Variants in PXDN observed in about 807,000 individuals in gnomAD.
The protein encoded by PXDN is peroxidasin.
PXDN carries 77 observed loss-of-function variants against 140.3 expected under a neutral mutation model. That is an observed-to-expected ratio of 0.55 (90% CI 0.46 to 0.66). The LOEUF (loss-of-function observed/expected upper bound fraction) is 0.66. PXDN is among the 30% of genes least tolerant of loss of function. PXDN has a pLI of 0.00. For missense variants in PXDN, 1,838 were observed against 2,039.5 expected (o/e 0.90, Z 1.90); for synonymous variants, 911 against 857.4 (o/e 1.06, Z -1.09).
intron 6 of PXDN, among the ~76,000 whole-genome samples, chr2:1,681,661 C>G (rs1224199946): frequency 6.6e-6 from 1 of 152,246 alleles, no homozygotes; most frequent in African/African-American, 2.4e-5. Flanking sequence ...CAGAATCACC[C>G]TTTCCCCCGT....
Position 1,691,993 on chromosome 2 carries a change from G to T in PXDN, c.279C>A (p.Leu93=). The T allele has an allele frequency of 6.6e-7, 1 of 1,521,130 alleles. No individual in the cohort carries two copies. Among genetic ancestry groups the T allele is most frequent in the South Asian group, 1.3e-5 (1 of 78,512 alleles). The allele number at this position is 1,521,130 out of a possible 1,614,324, so 94.2% of individuals were successfully genotyped here. A position where few individuals can be genotyped will look rare whatever the true frequency, so the allele number is the denominator to read the frequency against. ...GTATCCTCTTGATCTGATTATTATT[G>T]AGAAGCCTATGAAAGAGAGTCGATA... ...RRLRNLNTLL[L]NNNQIKRIPS... The change falls in exon 3 of 23, where the codon CTC becomes CTA. Residue 93 remains leucine, a synonymous_variant. Transcript: ENST00000252804.
At position 1,660,964 on chromosome 2, in the gene PXDN, C is replaced by A; in HGVS notation, c.1754G>T (p.Gly585Val). ...PEGFLTINDV[G>V]PADAGRYECV... ...CTCATAGCGACCTGCGTCTGCAGGGCCAACGTCATTGATGGTCAAGAATCC... is the reference window on the plus strand; with the variant it reads ...CTCATAGCGACCTGCGTCTGCAGGGACAACGTCATTGATGGTCAAGAATCC... Residue 585 changes from glycine to valine, a missense_variant, in exon 14 of 23, where the codon GGC becomes GTC. Gly to Val is a moderately radical substitution (Grantham distance 109). Around this residue, in one of 5 missense-constraint regions of PXDN, gnomAD observed 537 missense variants for 583.9 expected, o/e 0.92. Coordinates refer to ENST00000252804, the MANE Select transcript of PXDN (RefSeq NM_012293.3). The surrounding 1 kb of genome is among the most constrained non-coding windows in gnomAD (Gnocchi z 4.6). 1 of 1,614,012 alleles carries A rather than the reference C, an allele frequency of 6.2e-7. No homozygotes were observed. Among genetic ancestry groups the A allele is most frequent in the East Asian group, 2.2e-5 (1 of 44,880 alleles).
chr2:1,658,525 C>G (rs1394715061), intron 14 of PXDN, among the ~76,000 whole-genome samples: 1 of 152,014 alleles, frequency 6.6e-6, no homozygotes, highest in Non-Finnish European at 1.5e-5. Flanking sequence ...GGCCCGGGTG[C>G]AGGCACTCCT....
intron 7 of PXDN, among the ~76,000 whole-genome samples, chr2:1,677,980 A>G (rs1424703087): frequency 6.6e-6 from 1 of 152,146 alleles, no homozygotes; most frequent in Non-Finnish European, 1.5e-5. Context: ...TCTGCCCGGC[A>G]ACCAAAACCA....
At chr2:1,710,530 T>TCC in intron 1 of PXDN, among the ~76,000 whole-genome samples, 1 of 122,452 alleles carries the variant, frequency 8.2e-6, no homozygotes, top group African/African-American at 3.2e-5. Context: ...GGACCCACTC[T>TCC]ACGAACACCC....
chr2:1,644,130 C>A (rs2125407382), intron 18 of PXDN, among the ~76,000 whole-genome samples: 1 of 100,984 alleles, frequency 9.9e-6, no homozygotes, highest in African/African-American at 3.7e-5. Context: ...TGACTAGCAA[C>A]AAAGACGATG....
chr2:1,664,927 G>T, intron 11 of PXDN, 31 bp downstream of exon 11: 1 of 1,518,016 alleles, frequency 6.6e-7, no homozygotes. Context: ...GGCCGCGGAG[G>T]GAGCAGGCAA....
intron 1 of PXDN, among the ~76,000 whole-genome samples, chr2:1,727,472 G>A (rs959253596): frequency 4.6e-5 from 7 of 152,360 alleles, no homozygotes; most frequent in African/African-American, 1.7e-4. Context: ...AGATGGGGAA[G>A]CCGAGGCTTC....
At chr2:1,678,717 A>G (rs1485734090) in intron 7 of PXDN, among the ~76,000 whole-genome samples, 1 of 152,188 alleles carries the variant, frequency 6.6e-6, no homozygotes, top group Non-Finnish European at 1.5e-5. Context: ...CCCCCTGAGC[A>G]CCGAGGGCCC....
intron 22 of PXDN, 82 bp from the exon 23 acceptor site, chr2:1,634,405 G>A: frequency 6.8e-7 from 1 of 1,476,538 alleles, no homozygotes; most frequent in East Asian, 2.5e-5. Flanking sequence ...CGGGACAGGT[G>A]TCAGCCACGG....
At chr2:1,721,066 C>A (rs767463942) in intron 1 of PXDN, among the ~76,000 whole-genome samples, 6 of 152,214 alleles carry the variant, frequency 3.9e-5, no homozygotes, top group Non-Finnish European at 8.8e-5. Flanking sequence ...GGACAGTCGG[C>A]TCTACTCAAA....
At position 1,649,796 on chromosome 2, in the gene PXDN, T is replaced by C; in HGVS notation, c.2105-121A>G. The C allele has an allele frequency of 3.4e-6, 4 of 1,163,634 alleles. No homozygotes were observed. Among genetic ancestry groups the C allele is most frequent in the South Asian group, 1.3e-5 (1 of 76,024 alleles). 72.1% of individuals were successfully genotyped at this position (1,163,634 alleles called of 1,614,324 possible). ...TCTACCCCCAGCTCATGAAACCTGTTGTGCGCCATGCAACAAGCGCTTCCT... is the reference window on the plus strand; with the variant it reads ...TCTACCCCCAGCTCATGAAACCTGTCGTGCGCCATGCAACAAGCGCTTCCT... On this transcript the variant is annotated intron_variant, in intron 16 of 22. Transcript: ENST00000252804. This position sits in a 1 kb window ranked among gnomAD's most constrained non-coding sequence, Gnocchi z 7.1.
chr2:1,698,710 C>A (rs1382454886), intron 1 of PXDN, among the ~76,000 whole-genome samples: 1 of 152,150 alleles, frequency 6.6e-6, no homozygotes, highest in Admixed American at 6.5e-5. Flanking sequence ...GTAGAATTCA[C>A]CAGACTCTTC....
rs1362135373 is a variant in PXDN at position 1,685,901 on chromosome 2, C to T, written c.416+1731G>A. Among the ~76,000 whole-genome samples, 1 of 152,142 alleles carries T rather than the reference C, an allele frequency of 6.6e-6. No individual in the cohort carries two copies. Among genetic ancestry groups the T allele is most frequent in the Non-Finnish European group, 1.5e-5 (1 of 68,028 alleles). On this transcript the variant is annotated intron_variant, in intron 4 of 22. Coordinates refer to ENST00000252804, the MANE Select transcript of PXDN (RefSeq NM_012293.3). This position sits in a 1 kb window ranked among gnomAD's most constrained non-coding sequence, Gnocchi z 5.1. Reference sequence around the variant, plus strand: ...TACTGAGGTCATCATTGAATTCAAACGCATGTTTCCTGACTGGCCAGGTGT... The same window carrying T: ...TACTGAGGTCATCATTGAATTCAAATGCATGTTTCCTGACTGGCCAGGTGT...
At chr2:1,658,794 C>T (rs564403988) in intron 14 of PXDN, among the ~76,000 whole-genome samples, 1 of 140,680 alleles carries the variant, frequency 7.1e-6, no homozygotes, top group Non-Finnish European at 1.5e-5. Flanking sequence ...AGGACCCCCC[C>T]ACTCTACTCT....
rs906913333 is a variant in PXDN, at chr2:1,665,134, G to A, written c.1292-60C>T. The stretch of plus-strand genomic sequence containing the variant: ...AAAAAACAGCCTGGGGTAAAAACGC[G>A]ACCAAGAAAATGACCACAGTCTTGG... On this transcript the variant is annotated intron_variant, in intron 10 of 22. Coordinates refer to ENST00000252804, the MANE Select transcript of PXDN (RefSeq NM_012293.3). The A allele has an allele frequency of 6.0e-5, 77 of 1,290,752 alleles. 2 individuals carry two copies. The South Asian group carries it at 9.0e-4, about 15-fold the overall frequency. The allele number at this position is 1,290,752 out of a possible 1,614,324, so 80.0% of individuals were successfully genotyped here.
Position 1,649,065 on chromosome 2 carries a change from C to A in PXDN, c.2715G>T (p.Gln905His). The stretch of plus-strand genomic sequence containing the variant: ...TGGATGCGTCTATGTAGGAGGTGAG[C>A]TGGTTGATCTGCTCCCGCGGGTACA... ...NSVYPREQIN[Q>H]LTSYIDASNV... is the part of the protein sequence containing the mutation. Residue 905 changes from glutamine (Q) to histidine (H), a missense_variant, in exon 17 of 23, where the codon CAG becomes CAT. This residue lies in a region of PXDN where 850 missense variants were observed against 894.1 expected (regional missense o/e 0.95). Coordinates refer to ENST00000252804, the MANE Select transcript of PXDN (RefSeq NM_012293.3). This position sits in a 1 kb window ranked among gnomAD's most constrained non-coding sequence, Gnocchi z 7.1. 3 of 1,612,622 alleles carry A rather than the reference C, an allele frequency of 1.9e-6. No individual in the cohort carries two copies. The highest frequency in any genetic ancestry group is 2.5e-6 in the Non-Finnish European group (3 of 1,179,714).
At chr2:1,642,723 A>G (rs1432923887) in intron 19 of PXDN, among the ~76,000 whole-genome samples, 2 of 152,258 alleles carry the variant, frequency 1.3e-5, no homozygotes, top group African/African-American at 4.8e-5. Flanking sequence ...AATGCGAAGC[A>G]GGAACTCAGC....
At chr2:1,672,766 T>C (rs917903920) in intron 9 of PXDN, among the ~76,000 whole-genome samples, 2 of 152,182 alleles carry the variant, frequency 1.3e-5, no homozygotes, top group African/African-American at 2.4e-5. Context: ...CAAAACCACT[T>C]ACATTGCCAA....
Sources: gnomAD v4.1 joint callset for allele counts (sites outside exome capture counted in the v4.1 genomes callset) on GRCh38, gnomAD v4.1.1 for gene constraint, gnomAD v4.1.1 regional missense constraint, Gnocchi (gnomAD v3.1) non-coding constraint, MANE v1.5 for transcripts, NCBI Gene and HGNC (gene_info 2026-07-23, HGNC 2026-07-21) for gene names.